Variants in MACROD2 observed in about 807,000 individuals in gnomAD.
MACROD2 encodes ADP-ribose glycohydrolase MACROD2.
Under a neutral mutation model 70.4 loss-of-function variants are expected in MACROD2, and 36 were observed. The observed-to-expected ratio is 0.51, with a 90% CI of 0.39 to 0.68. MACROD2 has a LOEUF of 0.68. Among genes scored for constraint, MACROD2 ranks in the 30% least tolerant of loss-of-function variants. The probability of loss-of-function intolerance (pLI) is 0.00; values close to 1 mark genes in which losing one functional copy is unlikely to be tolerated. For missense variants in MACROD2, 496 were observed against 538.4 expected (o/e 0.92, Z 0.78); for synonymous variants, 172 against 178.8 (o/e 0.96, Z 0.30).
intron 10 of MACROD2, chr20:15,893,838 C>T (rs190418596): frequency 6.6e-6 from 3 of 456,706 alleles, no homozygotes; most frequent in East Asian, 1.4e-4. Flanking sequence ...AAGATGGAAG[C>T]AGAAGTGCAG....
intron 3 of MACROD2, among the ~76,000 whole-genome samples, chr20:14,291,017 A>G (rs977097006): frequency 6.6e-6 from 1 of 152,232 alleles, no homozygotes. Context: ...CCTTAAAGAC[A>G]TGGTTTTGTA....
At chr20:15,653,753 A>G (rs1445822680) in intron 8 of MACROD2, among the ~76,000 whole-genome samples, 1 of 152,154 alleles carries the variant, frequency 6.6e-6, no homozygotes, top group African/African-American at 2.4e-5. Context: ...GGATATAAAC[A>G]CAGGAACCCA....
At chr20:14,609,865 C>T (rs960812219) in intron 4 of MACROD2, among the ~76,000 whole-genome samples, 1 of 152,048 alleles carries the variant, frequency 6.6e-6, no homozygotes, top group African/African-American at 2.4e-5. Flanking sequence ...GAGAGAAAAT[C>T]CCAAGAATCA....
chr20:14,372,620 C>T (rs1413511384), intron 3 of MACROD2, among the ~76,000 whole-genome samples: 2 of 152,038 alleles, frequency 1.3e-5, no homozygotes, highest in Non-Finnish European at 1.5e-5. Flanking sequence ...TGATTCAATT[C>T]CTCTCACCGT....
intron 13 of MACROD2, 144 bp from the exon 14 acceptor site, chr20:15,986,583 G>T: frequency 1.9e-6 from 1 of 535,912 alleles, no homozygotes; most frequent in Non-Finnish European, 3.3e-6. Flanking sequence ...CTGATGATTA[G>T]AAAAATTGTA....
chr20:14,304,846 T>C (rs1168110793), intron 3 of MACROD2, among the ~76,000 whole-genome samples: 1 of 152,140 alleles, frequency 6.6e-6, no homozygotes. Context: ...AAAATTTTGA[T>C]TTAAACTTGA....
At chr20:14,640,636 C>G (rs1985036634) in intron 4 of MACROD2, among the ~76,000 whole-genome samples, 1 of 152,100 alleles carries the variant, frequency 6.6e-6, no homozygotes, top group East Asian at 1.9e-4. Flanking sequence ...GGGTTTGGTT[C>G]CAGACCACTG....
chr20:14,214,693 G>A (rs529885668), intron 3 of MACROD2, among the ~76,000 whole-genome samples: 2 of 148,660 alleles, frequency 1.3e-5, no homozygotes, highest in South Asian at 4.2e-4. Flanking sequence ...AGATTTTGGT[G>A]CACCCGTCAC....
intron 3 of MACROD2, among the ~76,000 whole-genome samples, chr20:14,393,192 A>G (rs1221853320): frequency 1.3e-5 from 2 of 152,120 alleles, no homozygotes; most frequent in African/African-American, 2.4e-5. Flanking sequence ...ATGGTTTCAC[A>G]ATACATGTGA....
chr20:15,823,315 TG>T (rs2063961041), intron 8 of MACROD2, among the ~76,000 whole-genome samples: 1 of 150,726 alleles, frequency 6.6e-6, no homozygotes, highest in Non-Finnish European at 1.5e-5. Context: ...TGTGTGTGTG[TG>T]TGTGTCTATA....
intron 8 of MACROD2, among the ~76,000 whole-genome samples, chr20:15,573,451 A>C (rs926624401): frequency 2.6e-5 from 4 of 152,268 alleles, no homozygotes; most frequent in Middle Eastern, 3.4e-3. Flanking sequence ...AAATCAGCAA[A>C]GGTTTTTCTC....
chr20:15,408,561 A>C (rs2046034484), intron 6 of MACROD2, among the ~76,000 whole-genome samples: 1 of 152,234 alleles, frequency 6.6e-6, no homozygotes, highest in South Asian at 2.1e-4. Context: ...TTCCAGAAGA[A>C]GTGAATCGGA....
intron 8 of MACROD2, among the ~76,000 whole-genome samples, chr20:15,615,497 G>C (rs760558853): frequency 2.6e-5 from 4 of 152,124 alleles, no homozygotes; most frequent in Admixed American, 2.6e-4. Flanking sequence ...AGGGACTCCC[G>C]TGGGGATGTG....
chr20:14,353,880 G>A (rs1034931778), intron 3 of MACROD2, among the ~76,000 whole-genome samples: 10 of 152,238 alleles, frequency 6.6e-5, no homozygotes, highest in African/African-American at 2.4e-4. Flanking sequence ...TGGCTGGGGG[G>A]CAAGGCTAAT....
chr20:14,965,445 T>TTTTTTTTC, intron 5 of MACROD2, among the ~76,000 whole-genome samples: 2 of 145,908 alleles, frequency 1.4e-5, no homozygotes, highest in Admixed American at 7.0e-5. Flanking sequence ...TAAAAGTTAT[T>TTTTTTTTC]TTTTTTTCTT....
chr20:14,001,556 G>C (rs1471874663), intron 1 of MACROD2, among the ~76,000 whole-genome samples: 1 of 151,516 alleles, frequency 6.6e-6, no homozygotes, highest in African/African-American at 2.4e-5. Context: ...TACTGTGTTA[G>C]ACTGTTCTTG....
At chr20:15,181,545 A>AGT (rs766994565) in intron 5 of MACROD2, among the ~76,000 whole-genome samples, 2 of 152,144 alleles carry the variant, frequency 1.3e-5, no homozygotes, top group Non-Finnish European at 2.9e-5. Context: ...AATTTTAGAA[A>AGT]GTGTGTGTGT....
At chr20:15,832,990 T>G (rs1163204469) in intron 8 of MACROD2, among the ~76,000 whole-genome samples, 1 of 152,228 alleles carries the variant, frequency 6.6e-6, no homozygotes, top group Non-Finnish European at 1.5e-5. Flanking sequence ...AAATAACCTG[T>G]GGAATATACG....
chr20:14,738,300 C>T (rs2071692150), intron 5 of MACROD2, among the ~76,000 whole-genome samples: 1 of 152,074 alleles, frequency 6.6e-6, no homozygotes, highest in South Asian at 2.1e-4. Context: ...TATTAAAACA[C>T]TCTTTCCGAT....
Sources: gnomAD v4.1 joint callset for allele counts (sites outside exome capture counted in the v4.1 genomes callset) on GRCh38, gnomAD v4.1.1 for gene constraint, MANE v1.5 for transcripts, NCBI Gene and HGNC (gene_info 2026-07-23, HGNC 2026-07-21) for gene names.